CCDC88A: variants seen among roughly 807,000 people sequenced by gnomAD.
The protein encoded by CCDC88A is coiled-coil and HOOK domain protein 88A.
CCDC88A carries 54 observed loss-of-function variants against 234.3 expected under a neutral mutation model. The observed-to-expected ratio is 0.23, with a 90% CI of 0.19 to 0.29. CCDC88A has a LOEUF of 0.29. CCDC88A is among the 10% of genes least tolerant of loss of function. The pLI is 1.00. For synonymous variants in CCDC88A, 753 were observed against 737.8 expected, an observed-to-expected ratio of 1.02 and a Z score of -0.33; for missense variants, 1,832 against 2,123.4, an observed-to-expected ratio of 0.86 and a Z score of 2.70.
chr2:55,409,022 G>A (rs904576141), intron 2 of CCDC88A, among the ~76,000 whole-genome samples: 2 of 151,136 alleles, frequency 1.3e-5, no homozygotes, highest in African/African-American at 4.9e-5. Context: ...AGGTATTTTC[G>A]TCAGTTTCTG....
intron 6 of CCDC88A, among the ~76,000 whole-genome samples, chr2:55,363,319 T>C (rs1236717174): frequency 6.6e-6 from 1 of 151,974 alleles, no homozygotes; most frequent in Non-Finnish European, 1.5e-5. Context: ...TAAAAAATTT[T>C]CTTTTCCCTT....
Position 55,308,913 on chromosome 2 carries a change from C to G in CCDC88A, c.4283G>C (p.Ser1428Thr), listed in dbSNP as rs146007660. 10 of 1,614,026 alleles carry G rather than the reference C, an allele frequency of 6.2e-6. No homozygotes were observed. The highest frequency in any genetic ancestry group is 7.6e-6 in the Non-Finnish European group (9 of 1,179,902). Residue 1428 changes from serine to threonine, a missense_variant, in exon 25 of 33, where the codon AGT becomes ACT. Physicochemically the swap from Ser to Thr is moderately conservative, Grantham distance 58 (BLOSUM62 1). Transcript: ENST00000436346. ...LTLTPTRSDSSEGFLQLPHQD... is the reference protein window; with the variant it reads ...LTLTPTRSDSTEGFLQLPHQD... ...ATGAGGGAGCTGAAGAAATCCTTCA[C>G]TGGAGTCTGAGCGGGTGGGTGTTAA...
intron 5 of CCDC88A, among the ~76,000 whole-genome samples, chr2:55,369,128 G>C (rs946487205): frequency 6.6e-6 from 1 of 151,246 alleles, no homozygotes; most frequent in Non-Finnish European, 1.5e-5. Context: ...TCCGCCTCCT[G>C]GGTTCCAGCA....
At chr2:55,399,597 TTTTG>T (rs1489643309) in intron 2 of CCDC88A, 2 of 152,020 alleles carry the variant, frequency 1.3e-5, no homozygotes, top group East Asian at 3.9e-4. Flanking sequence ...AGCAGAGAAT[TTTTG>T]TTTGTCACTG....
Position 55,334,563 on chromosome 2 carries a change from C to T in CCDC88A, c.2258G>A (p.Arg753His), listed in dbSNP as rs779160896. The change falls in exon 15 of 33, where the codon CGC (arginine) becomes CAC (histidine). Residue 753 changes from arginine (R) to histidine (H), a missense_variant. This residue lies in a region of CCDC88A where 1,282 missense variants were observed against 1,543.6 expected (regional missense o/e 0.83). Transcript: ENST00000436346. The surrounding 1 kb of genome is among the most constrained non-coding windows in gnomAD (Gnocchi z 6.1). ...LLKASFKKTE[R>H]LEVSYQGLDI... ...TAAACCCTGGTAGCTAACTTCTAAGCGTTCTGTTTTCTTGAAAGATGCTTT... is the reference window on the plus strand; with the variant it reads ...TAAACCCTGGTAGCTAACTTCTAAGTGTTCTGTTTTCTTGAAAGATGCTTT... 9.9e-6 allele frequency: 16 copies of T among 1,612,622 alleles called. No individual in the cohort carries two copies. Among genetic ancestry groups the T allele is most frequent in the Middle Eastern group, 1.6e-4 (1 of 6,080 alleles).
chr2:55,360,479 T>G (rs145128157), intron 7 of CCDC88A, among the ~76,000 whole-genome samples: 1 of 152,292 alleles, frequency 6.6e-6, no homozygotes, highest in East Asian at 1.9e-4. Context: ...TAACTGGATA[T>G]CTCTCCTCCA....
intron 3 of CCDC88A, among the ~76,000 whole-genome samples, chr2:55,384,586 TA>T (rs1675216995): frequency 1.3e-5 from 1 of 79,636 alleles, no homozygotes; most frequent in Non-Finnish European, 2.6e-5. Flanking sequence ...TATGTGTATA[TA>T]TACACATATA....
rs1354922423 is a variant in CCDC88A at position 55,343,837 on chromosome 2, AG to A, written c.1189-46del. ...TAGGGAGAGAAAAAAGCTAAGAAACAGTACAATTTTGAGCAAATACTTTATT... is the reference window on the plus strand; with the variant it reads ...TAGGGAGAGAAAAAAGCTAAGAAACATACAATTTTGAGCAAATACTTTATT... On this transcript the variant is annotated intron_variant, in intron 11 of 32. Transcript: ENST00000436346. 12 of 1,471,530 alleles carry A rather than the reference AG, an allele frequency of 8.2e-6. No homozygotes were observed. The African/African-American group carries it at 1.7e-4, about 21-fold the overall frequency. 91.2% of individuals were successfully genotyped at this position (1,471,530 alleles called of 1,614,324 possible).
intron 2 of CCDC88A, among the ~76,000 whole-genome samples, chr2:55,393,452 G>A (rs1417769728): frequency 1.3e-5 from 2 of 151,382 alleles, no homozygotes; most frequent in South Asian, 2.1e-4. Context: ...CACCACGCCC[G>A]GCTAATTTTT....
chr2:55,355,967 C>T (rs1031350105), intron 7 of CCDC88A: 3 of 358,894 alleles, frequency 8.4e-6, no homozygotes, highest in African/African-American at 6.3e-5. Flanking sequence ...GATAATAATG[C>T]TTTTCCCTTC....
At position 55,309,194 on chromosome 2, in the gene CCDC88A, T is replaced by C. The variant is rs1165636551; in HGVS notation, c.4140A>G (p.Gln1380=). The C allele has an allele frequency of 3.2e-6, 5 of 1,562,048 alleles. No individual in the cohort carries two copies. The highest frequency in any genetic ancestry group is 4.4e-6 in the Non-Finnish European group (5 of 1,140,606). Residue 1380 remains glutamine, a synonymous_variant, in exon 24 of 33, where the codon CAA becomes CAG. Coordinates refer to ENST00000436346, the MANE Select transcript of CCDC88A (RefSeq NM_001365480.1). The surrounding 1 kb of genome is among the most constrained non-coding windows in gnomAD (Gnocchi z 5.1). The stretch of plus-strand genomic sequence containing the variant: ...GAGGAGATGGGTCATAAAATTTGTA[T>C]TGATCCATAATTTTCTCTTCTAGTT... ...KEKLEEKIMD[Q]YKFYDPSPPR...
intron 2 of CCDC88A, among the ~76,000 whole-genome samples, chr2:55,414,687 C>G (rs879726213): frequency 1.3e-5 from 2 of 149,180 alleles, no homozygotes; most frequent in African/African-American, 2.5e-5. Flanking sequence ...CTTTCAGAGT[C>G]TGGGTGCAAA....
chr2:55,396,368 C>T (rs1677547405), intron 2 of CCDC88A, among the ~76,000 whole-genome samples: 1 of 152,148 alleles, frequency 6.6e-6, no homozygotes, highest in African/African-American at 2.4e-5. Flanking sequence ...ACATTTGAAT[C>T]CCTTACATAC....
chr2:55,294,563 T>C, intron 31 of CCDC88A: 1 of 983,890 alleles, frequency 1.0e-6, no homozygotes, highest in Non-Finnish European at 1.2e-6. Flanking sequence ...TTTTTACATT[T>C]TCCCTACTGA....
chr2:55,295,913 A>G lies in CCDC88A; in HGVS notation c.5235T>C (p.Asp1745=). 4 of 1,614,148 alleles carry G rather than the reference A, an allele frequency of 2.5e-6. No homozygotes were observed. Among genetic ancestry groups the G allele is most frequent in the Non-Finnish European group, 3.4e-6 (4 of 1,180,012 alleles). The part of the protein sequence containing the change: ...VSGKTPGDFY[D]RRTTKPEFLR... ...AAAACTCAGGCTTAGTTGTCCGTCTATCATAGAAGTCCCCTGGGGTTTTTC... is the reference window on the plus strand; with the variant it reads ...AAAACTCAGGCTTAGTTGTCCGTCTGTCATAGAAGTCCCCTGGGGTTTTTC... The change falls in exon 31 of 33, where the codon GAT becomes GAC. Residue 1745 remains aspartate, a synonymous_variant. Coordinates refer to ENST00000436346, the MANE Select transcript of CCDC88A (RefSeq NM_001365480.1).
intron 3 of CCDC88A, among the ~76,000 whole-genome samples, chr2:55,377,142 A>G (rs1258616708): frequency 8.4e-5 from 12 of 142,346 alleles, no homozygotes. Flanking sequence ...ACTTCATTCG[A>G]ATTTTTAGTT....
chr2:55,382,296 G>C lies in CCDC88A; in HGVS notation c.273+6482C>G, dbSNP rs150505888. The stretch of plus-strand genomic sequence containing the variant: ...CTGTAGCAACTGGATTAATGGTACT[G>C]GAATCTGTTCTTTGTTTTTGATACT... On this transcript the variant is annotated intron_variant, in intron 3 of 32. Coordinates refer to ENST00000436346, the MANE Select transcript of CCDC88A (RefSeq NM_001365480.1). Among the ~76,000 whole-genome samples, 649 of 152,260 alleles carry C rather than the reference G, an allele frequency of 4.3e-3. 2 individuals carry two copies. Among genetic ancestry groups the C allele is most frequent in the Middle Eastern group, 0.01 (3 of 294 alleles).
chr2:55,318,438 A>G (rs1026243602), intron 19 of CCDC88A, among the ~76,000 whole-genome samples: 6 of 152,118 alleles, frequency 3.9e-5, no homozygotes, highest in Admixed American at 1.3e-4. Context: ...TAAGTGAAAG[A>G]TGGATCCTTT....
intron 4 of CCDC88A, among the ~76,000 whole-genome samples, chr2:55,374,485 ATTTCT>A (rs1343034807): frequency 6.6e-6 from 1 of 152,220 alleles, no homozygotes; most frequent in Admixed American, 6.5e-5. Context: ...TTTCAAAATC[ATTTCT>A]TTTCTAAGGT....
Sources: gnomAD v4.1 joint callset for allele counts (sites outside exome capture counted in the v4.1 genomes callset) on GRCh38, gnomAD v4.1.1 for gene constraint, gnomAD v4.1.1 regional missense constraint, Gnocchi (gnomAD v3.1) non-coding constraint, MANE v1.5 for transcripts, NCBI Gene and HGNC (gene_info 2026-07-23, HGNC 2026-07-21) for gene names.